Variants in PHKB observed in about 807,000 individuals in gnomAD.
The protein encoded by PHKB is phosphorylase kinase regulatory subunit beta.
Under a neutral mutation model 152.1 loss-of-function variants are expected in PHKB, and 122 were observed. That is an observed-to-expected ratio of 0.80 (90% confidence interval 0.69 to 0.93). The LOEUF is 0.93. Among genes scored for constraint, PHKB ranks in the 40% least tolerant of loss-of-function variants. PHKB has a pLI of 0.00. For synonymous variants in PHKB, 436 were observed against 464.9 expected, an observed-to-expected ratio of 0.94 and a Z score of 0.80; for missense variants, 1,304 against 1,328.4, an observed-to-expected ratio of 0.98 and a Z score of 0.29.
chr16:47,464,432 C>T (rs192098731), intron 1 of PHKB, among the ~76,000 whole-genome samples: 2 of 152,280 alleles, frequency 1.3e-5, no homozygotes, highest in Admixed American at 1.3e-4. Flanking sequence ...AGACAGGAAG[C>T]GACTTGCCCC....
At chr16:47,605,094 TA>T (rs1244187880) in intron 13 of PHKB, among the ~76,000 whole-genome samples, 1 of 152,240 alleles carries the variant, frequency 6.6e-6, no homozygotes, top group African/African-American at 2.4e-5. Flanking sequence ...CTTGACCTTT[TA>T]ATGATATTTC....
At chr16:47,510,377 A>C (rs555635033) in intron 4 of PHKB, among the ~76,000 whole-genome samples, 1 of 152,298 alleles carries the variant, frequency 6.6e-6, no homozygotes, top group East Asian at 1.9e-4. Context: ...TCCTCTGTCA[A>C]TCAGTCCCCC....
At position 47,497,450 on chromosome 16, in the gene PHKB, A is replaced by C. The variant is rs1446667592; in HGVS notation, c.128A>C (p.Glu43Ala). ...ATTAATCTTCCAAGACCTGATAATG[A>C]AACTCTCTGGGATAAGTTGGACCAT... is the stretch of plus-strand genomic sequence containing the variant. ...KSINLPRPDN[E>A]TLWDKLDHYY... is the part of the protein sequence containing the mutation. Residue 43 changes from glutamate to alanine, a missense_variant, in exon 2 of 31, where the codon GAA becomes GCA. By Grantham distance (107) the Glu-to-Ala change is moderately radical (BLOSUM62 -1). Transcript: ENST00000323584. The C allele has an allele frequency of 6.2e-7, 1 of 1,610,156 alleles. No homozygotes were observed. Among genetic ancestry groups the C allele is most frequent in the African/African-American group, 1.3e-5 (1 of 74,994 alleles).
chr16:47,664,868 TC>T lies in PHKB; in HGVS notation c.2337-15del. 1 of 1,587,592 alleles carries T rather than the reference TC, an allele frequency of 6.3e-7. No homozygotes were observed. The highest frequency in any genetic ancestry group is 8.6e-7 in the Non-Finnish European group (1 of 1,156,468). ...TACTCTATTTTCCCTTTTATGGCTT[TC>T]CACTGACACACCCAGGTTGGCGGTG... is the stretch of plus-strand genomic sequence containing the variant. On this transcript the variant is annotated splice_polypyrimidine_tract_variant and intron_variant, in intron 24 of 30. Coordinates refer to ENST00000323584, the MANE Select transcript of PHKB (RefSeq NM_000293.3).
chr16:47,598,822 G>T (rs1163530405), intron 13 of PHKB: 1 of 1,600,580 alleles, frequency 6.2e-7, no homozygotes, highest in African/African-American at 1.3e-5. Flanking sequence ...ATCTGGTTCC[G>T]CTTTAACCAT....
At chr16:47,599,282 G>A (rs905557182) in intron 13 of PHKB, among the ~76,000 whole-genome samples, 3 of 152,116 alleles carry the variant, frequency 2.0e-5, no homozygotes, top group Non-Finnish European at 2.9e-5. Context: ...GCTAAAAACT[G>A]GCACCTGGGA....
chr16:47,686,734 A>G (rs1207700023), intron 26 of PHKB, among the ~76,000 whole-genome samples: 1 of 152,162 alleles, frequency 6.6e-6, no homozygotes, highest in Non-Finnish European at 1.5e-5. Context: ...TGTATTTGCT[A>G]TATTTGCTTT....
intron 26 of PHKB, among the ~76,000 whole-genome samples, chr16:47,681,794 T>C (rs1973862766): frequency 6.6e-6 from 1 of 152,208 alleles, no homozygotes; most frequent in Non-Finnish European, 1.5e-5. Flanking sequence ...TTGTTATTTG[T>C]GTATTTGGTT....
chr16:47,637,181 A>G (rs1240253103), intron 14 of PHKB, among the ~76,000 whole-genome samples: 1 of 152,166 alleles, frequency 6.6e-6, no homozygotes, highest in East Asian at 1.9e-4. Flanking sequence ...TGCAAAAAGT[A>G]GCTACCCACT....
chr16:47,599,278 A>T (rs1220904968), intron 13 of PHKB, among the ~76,000 whole-genome samples: 1 of 152,194 alleles, frequency 6.6e-6, no homozygotes, highest in Non-Finnish European at 1.5e-5. Flanking sequence ...TGAGGCTAAA[A>T]ACTGGCACCT....
intron 6 of PHKB, among the ~76,000 whole-genome samples, chr16:47,533,419 C>G (rs1482957662): frequency 6.6e-6 from 1 of 152,196 alleles, no homozygotes; most frequent in Non-Finnish European, 1.5e-5. Flanking sequence ...TGCCCAGGAA[C>G]CTGTCTGCCT....
intron 14 of PHKB, among the ~76,000 whole-genome samples, chr16:47,629,269 A>G (rs1334211773): frequency 6.6e-6 from 1 of 152,120 alleles, no homozygotes; most frequent in South Asian, 2.1e-4. Context: ...TTCACAACCT[A>G]CTCATCTGAC....
chr16:47,648,982 A>G, intron 17 of PHKB, 118 bp from the exon 18 acceptor site: 1 of 713,250 alleles, frequency 1.4e-6, no homozygotes, highest in Non-Finnish European at 2.6e-6. Context: ...CAAGCTATTA[A>G]TTTATGTGCT....
intron 7 of PHKB, among the ~76,000 whole-genome samples, chr16:47,548,477 C>T (rs906250737): frequency 2.0e-5 from 3 of 151,924 alleles, no homozygotes; most frequent in Non-Finnish European, 4.4e-5. Context: ...CATGGTGGTG[C>T]GTGCCTGTAA....
chr16:47,484,232 T>C (rs1481002860), intron 1 of PHKB, among the ~76,000 whole-genome samples: 2 of 152,222 alleles, frequency 1.3e-5, no homozygotes, highest in East Asian at 3.8e-4. Context: ...TTAATACCTT[T>C]TTATTAAAAA....
chr16:47,696,451 A>G lies in PHKB; in HGVS notation c.2966A>G (p.Asn989Ser). Residue 989 changes from asparagine to serine, a missense_variant, in exon 29 of 31, where the codon AAT (asparagine) becomes AGT (serine). Transcript: ENST00000323584. ...CTCCTTGTTGAAGACACGTTGGGAAATATTGACCAGCCACAGTACAGACAG... is the reference window on the plus strand; with the variant it reads ...CTCCTTGTTGAAGACACGTTGGGAAGTATTGACCAGCCACAGTACAGACAG... ...FSLLVEDTLG[N>S]IDQPQYRQIV... is the part of the protein sequence containing the mutation. 1 of 1,607,194 alleles carries G rather than the reference A, an allele frequency of 6.2e-7. No individual in the cohort carries two copies. Among genetic ancestry groups the G allele is most frequent in the Non-Finnish European group, 8.5e-7 (1 of 1,173,620 alleles).
chr16:47,598,889 G>T, intron 13 of PHKB: 1 of 1,602,802 alleles, frequency 6.2e-7, no homozygotes, highest in Non-Finnish European at 8.5e-7. Flanking sequence ...GCATTTTTAG[G>T]GATTTCCTCA....
chr16:47,603,425 G>A (rs1007177580), intron 13 of PHKB, among the ~76,000 whole-genome samples: 7 of 152,048 alleles, frequency 4.6e-5, no homozygotes, highest in East Asian at 1.9e-4. Context: ...TATAAACATC[G>A]GGAAGCACAT....
intron 6 of PHKB, among the ~76,000 whole-genome samples, chr16:47,520,332 A>G (rs1029756473): frequency 6.6e-6 from 1 of 152,228 alleles, no homozygotes; most frequent in Non-Finnish European, 1.5e-5. Flanking sequence ...TGCTTTGCAT[A>G]TAGAAAAACT....
Sources: gnomAD v4.1 joint callset for allele counts (sites outside exome capture counted in the v4.1 genomes callset) on GRCh38, gnomAD v4.1.1 for gene constraint, MANE v1.5 for transcripts, NCBI Gene and HGNC (gene_info 2026-07-23, HGNC 2026-07-21) for gene names.